PTPN5: variants seen among roughly 807,000 people sequenced by gnomAD.
PTPN5 encodes the protein protein tyrosine phosphatase non-receptor type 5.
PTPN5 carries 29 observed loss-of-function variants against 73.9 expected under a neutral mutation model. The observed-to-expected ratio is 0.39, with a 90% CI of 0.29 to 0.54. PTPN5 has a LOEUF of 0.54. Among genes scored for constraint, PTPN5 ranks in the 20% least tolerant of loss-of-function variants. The pLI, the probability that PTPN5 is intolerant of heterozygous loss-of-function variation, is 0.65. For synonymous variants in PTPN5, 267 were observed against 304.7 expected (o/e 0.88, Z 1.29); for missense variants, 652 against 751.4 (o/e 0.87, Z 1.55).
rs1850926124 is a variant in PTPN5, at chr11:18,772,007, C to G, written c.-49G>C. On this transcript the variant is annotated 5_prime_UTR_variant, in exon 2 of 15. Transcript: ENST00000358540. ...GGGTGCCATCTTCCAGGGCAGGAAGCTTTCTCAGCAAAAAGCAAGCTGGTG... is the reference window on the plus strand; with the variant it reads ...GGGTGCCATCTTCCAGGGCAGGAAGGTTTCTCAGCAAAAAGCAAGCTGGTG... The G allele has an allele frequency of 1.3e-6, 2 of 1,485,856 alleles. No homozygotes were observed. The highest frequency in any genetic ancestry group is 5.0e-5 in the Admixed American group (2 of 40,398). 92.0% of individuals were successfully genotyped at this position (1,485,856 alleles called of 1,614,324 possible). A position where few individuals can be genotyped will look rare whatever the true frequency, so the allele number is the denominator to read the frequency against.
chr11:18,731,936 C>T (rs1199969864), intron 12 of PTPN5, among the ~76,000 whole-genome samples: 2 of 152,154 alleles, frequency 1.3e-5, no homozygotes, highest in Non-Finnish European at 2.9e-5. Context: ...TCTTATTTCT[C>T]ACAAACAGAA....
At chr11:18,790,556 C>A (rs900246152) in intron 1 of PTPN5, among the ~76,000 whole-genome samples, 11 of 152,178 alleles carry the variant, frequency 7.2e-5, no homozygotes, top group Non-Finnish European at 1.5e-4. Context: ...TATGAGAGCT[C>A]TCCTTTGAGG....
At chr11:18,771,343 T>C (rs1564922951) in intron 2 of PTPN5, among the ~76,000 whole-genome samples, 1 of 152,224 alleles carries the variant, frequency 6.6e-6, no homozygotes, top group Non-Finnish European at 1.5e-5. Flanking sequence ...TTTCCCCTTT[T>C]GTCAAATCTT....
At chr11:18,743,842 C>T in intron 4 of PTPN5, 164 bp downstream of exon 4, 1 of 782,306 alleles carries the variant, frequency 1.3e-6, no homozygotes, top group Admixed American at 3.5e-5. Flanking sequence ...CTCAGAATTC[C>T]AGCCTTCCCC....
intron 3 of PTPN5, among the ~76,000 whole-genome samples, chr11:18,761,896 G>A (rs535155890): frequency 6.6e-5 from 10 of 152,330 alleles, no homozygotes; most frequent in East Asian, 3.9e-4. Context: ...GGAGGTGTGC[G>A]TCCGCCCCTG....
At chr11:18,781,337 T>TTTTTTTTTTTTG (rs1564932077) in intron 1 of PTPN5, among the ~76,000 whole-genome samples, 3 of 149,902 alleles carry the variant, frequency 2.0e-5, no homozygotes, top group African/African-American at 4.9e-5. Flanking sequence ...TTTTTTTTTT[T>TTTTTTTTTTTTG]GAGATGGAGT....
chr11:18,756,879 G>A (rs1312187017), intron 3 of PTPN5, among the ~76,000 whole-genome samples: 19 of 149,654 alleles, frequency 1.3e-4, no homozygotes, highest in Non-Finnish European at 4.4e-5. Context: ...AGCCAAGATC[G>A]TGCCACTGCA....
At chr11:18,740,492 TACTAA>T in intron 8 of PTPN5, 106 bp downstream of exon 8, 1 of 975,364 alleles carries the variant, frequency 1.0e-6, no homozygotes, top group Non-Finnish European at 1.4e-6. Flanking sequence ...AATAAAGTGA[TACTAA>T]TCTACTGCAG....
At chr11:18,788,966 C>T (rs182769247) in intron 1 of PTPN5, among the ~76,000 whole-genome samples, 18 of 152,282 alleles carry the variant, frequency 1.2e-4, no homozygotes, top group African/African-American at 2.6e-4. Context: ...ATTACGCTAA[C>T]GTACAAAAGG....
At chr11:18,752,507 G>A (rs571386507) in intron 3 of PTPN5, among the ~76,000 whole-genome samples, 3 of 152,336 alleles carry the variant, frequency 2.0e-5, no homozygotes, top group African/African-American at 4.8e-5. Flanking sequence ...GGTGGATGGA[G>A]TGGGCATGGA....
intron 8 of PTPN5, among the ~76,000 whole-genome samples, chr11:18,739,625 C>A (rs1258074143): frequency 6.6e-6 from 1 of 152,184 alleles, no homozygotes; most frequent in Non-Finnish European, 1.5e-5. Flanking sequence ...GCTACCCGGT[C>A]CAGACAGGCC....
chr11:18,750,611 G>C (rs1849844874), intron 3 of PTPN5, among the ~76,000 whole-genome samples: 1 of 152,158 alleles, frequency 6.6e-6, no homozygotes, highest in Non-Finnish European at 1.5e-5. Flanking sequence ...GAGCGGTATG[G>C]GTGATCTTGG....
rs183799826 is a variant in PTPN5 at position 18,745,944 on chromosome 11, C to T, written c.98-1745G>A. ...TTGTAAAATAATTTTTGAATATCGTCTCCTCTACCCACCAAGAAGTTCCAT... is the reference window on the plus strand; with the variant it reads ...TTGTAAAATAATTTTTGAATATCGTTTCCTCTACCCACCAAGAAGTTCCAT... On this transcript the variant is annotated intron_variant, in intron 3 of 14. Transcript: ENST00000358540. Among the ~76,000 whole-genome samples the T allele has an allele frequency of 9.0e-4, 137 of 151,754 alleles. 1 individual carries two copies. The highest frequency in any genetic ancestry group is 3.3e-3 in the African/African-American group (135 of 41,378).
intron 1 of PTPN5, among the ~76,000 whole-genome samples, chr11:18,786,040 G>A (rs2134371107): frequency 6.6e-6 from 1 of 152,294 alleles, no homozygotes; most frequent in East Asian, 1.9e-4. Context: ...GAAGGAGGGT[G>A]GCTTCTGTTC....
intron 12 of PTPN5, chr11:18,730,828 G>A (rs1307283141): frequency 6.6e-6 from 1 of 152,136 alleles, no homozygotes; most frequent in African/African-American, 2.4e-5. Context: ...AACTGCTACA[G>A]GGCCTGCCCT....
intron 1 of PTPN5, among the ~76,000 whole-genome samples, chr11:18,773,420 T>C (rs915259702): frequency 6.6e-6 from 1 of 151,878 alleles, no homozygotes; most frequent in African/African-American, 2.4e-5. Context: ...TGGCACTGAG[T>C]GCATAGAGAG....
At chr11:18,774,681 G>A (rs1009389924) in intron 1 of PTPN5, among the ~76,000 whole-genome samples, 3 of 152,244 alleles carry the variant, frequency 2.0e-5, no homozygotes, top group African/African-American at 7.2e-5. Context: ...AGAGAGACCA[G>A]GGGCTCATGA....
At chr11:18,730,111 C>T in intron 12 of PTPN5, 1 of 538,758 alleles carries the variant, frequency 1.9e-6, no homozygotes, top group Non-Finnish European at 3.3e-6. Context: ...CAATTTATTA[C>T]TATCTCCAGG....
At chr11:18,738,841 G>A (rs950984716) in intron 8 of PTPN5, among the ~76,000 whole-genome samples, 2 of 151,864 alleles carry the variant, frequency 1.3e-5, no homozygotes, top group East Asian at 1.9e-4. Flanking sequence ...ACCTGGTGGC[G>A]GGCCCCTGTA....
Sources: gnomAD v4.1 joint callset for allele counts (sites outside exome capture counted in the v4.1 genomes callset) on GRCh38, gnomAD v4.1.1 for gene constraint, MANE v1.5 for transcripts, NCBI Gene and HGNC (gene_info 2026-07-23, HGNC 2026-07-21) for gene names.